Variants in ADGRD1 observed in about 807,000 individuals in gnomAD.
ADGRD1 encodes adhesion G protein-coupled receptor D1, also known as G-protein coupled receptor 133.
In ADGRD1, 77 loss-of-function variants were observed where a neutral mutation model predicts 113.4. That is an observed-to-expected ratio of 0.68 (90% CI 0.57 to 0.82). ADGRD1 has a LOEUF of 0.82. ADGRD1 is among the 40% of genes least tolerant of loss of function. ADGRD1 has a pLI of 0.00. For synonymous variants in ADGRD1, 474 were observed against 475.0 expected, an observed-to-expected ratio of 1.00 and a Z score of 0.03; for missense variants, 1,036 against 1,139.1, an observed-to-expected ratio of 0.91 and a Z score of 1.30.
intron 8 of ADGRD1, among the ~76,000 whole-genome samples, chr12:130,997,765 G>T (rs1222325905): frequency 6.6e-6 from 1 of 151,062 alleles, no homozygotes; most frequent in Non-Finnish European, 1.5e-5. Context: ...GACGATGGGC[G>T]GCCAGGCAGA....
intron 3 of ADGRD1, chr12:130,969,223 TAAA>T: frequency 1.6e-6 from 1 of 612,674 alleles, no homozygotes. Flanking sequence ...TCCAAGGTGT[TAAA>T]AAATAACCAC....
rs1876497260 is a variant in ADGRD1 at position 131,002,393 on chromosome 12, A to G, written c.1027-792A>G. On this transcript the variant is annotated intron_variant, in intron 9 of 24. Transcript: ENST00000261654. ...AATCAGGCTATGGGCCTAAAAGCAA[A>G]TATCTAAAATTGGCCTCAGCATTCT... 6 of 411,148 alleles carry G rather than the reference A, an allele frequency of 1.5e-5. No individual in the cohort carries two copies. The South Asian group carries it at 6.0e-4, about 41-fold the overall frequency. 25.5% of individuals were successfully genotyped at this position (411,148 alleles called of 1,614,324 possible). A position where few individuals can be genotyped will look rare whatever the true frequency, so the allele number is the denominator to read the frequency against.
rs533458542 is a variant in ADGRD1, at chr12:130,966,397, G to A, written c.104-66G>A. 77 of 963,168 alleles carry A rather than the reference G, an allele frequency of 8.0e-5. 1 individual carries two copies. The South Asian group carries it at 8.9e-4, about 11-fold the overall frequency. The allele number at this position is 963,168 out of a possible 1,614,324, so 59.7% of individuals were successfully genotyped here. On this transcript the variant is annotated intron_variant, in intron 2 of 24. Transcript: ENST00000261654. The surrounding 1 kb of genome is among the most constrained non-coding windows in gnomAD (Gnocchi z 4.6). ...TTCCCCCATAATGTGTGTGCTAAGC[G>A]GTTCTTACCCTCTGGTTCTTTCCTC...
intron 2 of ADGRD1, among the ~76,000 whole-genome samples, chr12:130,959,675 G>A (rs1338034981): frequency 6.6e-6 from 1 of 152,156 alleles, no homozygotes. Context: ...GCATGCATTC[G>A]GCTCACAGGT....
intron 13 of ADGRD1, among the ~76,000 whole-genome samples, chr12:131,074,001 C>T (rs1456916110): frequency 3.9e-5 from 6 of 152,160 alleles, no homozygotes; most frequent in African/African-American, 1.4e-4. Context: ...CACAGTCAAA[C>T]CCTAGCAATA....
At chr12:130,974,012 T>C (rs998512456) in intron 4 of ADGRD1, among the ~76,000 whole-genome samples, 3 of 152,210 alleles carry the variant, frequency 2.0e-5, no homozygotes, top group Admixed American at 2.0e-4. Flanking sequence ...TGAGGCCTGA[T>C]GCAGACGCAG....
At position 131,004,191 on chromosome 12, in the gene ADGRD1, TCCGTGG is replaced by T; in HGVS notation, c.1153_1158del (p.Val385_Ala386del). 3.7e-6 allele frequency: 6 copies of T among 1,612,190 alleles called. No individual in the cohort carries two copies. The highest frequency in any genetic ancestry group is 3.4e-6 in the Non-Finnish European group (4 of 1,178,358). ...TCTCGCTCCTTCCACCGCAGAGTTT[TCCGTGG>T]CCAAAATCCTGCCCAAGACCGTGAA... On this transcript the variant is annotated inframe_deletion, in exon 11 of 25. Transcript: ENST00000261654.
chr12:131,064,901 G>C (rs888668588), intron 13 of ADGRD1, among the ~76,000 whole-genome samples: 2 of 152,182 alleles, frequency 1.3e-5, no homozygotes, highest in Non-Finnish European at 2.9e-5. Flanking sequence ...CTGCCTAGAT[G>C]CATAGATGTG....
chr12:131,056,608 G>C (rs1883881215), intron 13 of ADGRD1, among the ~76,000 whole-genome samples: 1 of 152,194 alleles, frequency 6.6e-6, no homozygotes, highest in Non-Finnish European at 1.5e-5. Flanking sequence ...TTCTAACCAA[G>C]TGTCTGGAGA....
At chr12:131,136,421 G>A (rs891450676) in intron 22 of ADGRD1, among the ~76,000 whole-genome samples, 7 of 152,248 alleles carry the variant, frequency 4.6e-5, no homozygotes, top group Non-Finnish European at 8.8e-5. Flanking sequence ...ATGGAGGACA[G>A]TAAGACAGTC....
chr12:131,120,405 C>T (rs1182059939), intron 19 of ADGRD1, among the ~76,000 whole-genome samples: 1 of 152,142 alleles, frequency 6.6e-6, no homozygotes, highest in Non-Finnish European at 1.5e-5. Flanking sequence ...AACCTTTCCT[C>T]TCAGTTGGAG....
chr12:131,074,393 C>T lies in ADGRD1; in HGVS notation c.1474-2408C>T, dbSNP rs117576389. 1.0e-3 allele frequency among the ~76,000 whole-genome samples: 152 copies of T among 152,334 alleles called. 2 individuals carry two copies. The East Asian group carries it at 0.024, about 24-fold the overall frequency. On this transcript the variant is annotated intron_variant, in intron 13 of 24. Coordinates refer to ENST00000261654, the MANE Select transcript of ADGRD1 (RefSeq NM_198827.5). ...CCCCTGGCTTGAGGTTTCAGGAGGA[C>T]GCTCAGGTGAATGCGGCTGTCCCCC...
chr12:131,065,179 G>C (rs757030276), intron 13 of ADGRD1, among the ~76,000 whole-genome samples: 32 of 152,274 alleles, frequency 2.1e-4, no homozygotes, highest in Admixed American at 1.5e-3. Flanking sequence ...ATCTTAAATG[G>C]TGCCGGGGGT....
chr12:131,097,369 CTCGGGGAAGA>C (rs1887360666), intron 15 of ADGRD1, among the ~76,000 whole-genome samples: 1 of 151,322 alleles, frequency 6.6e-6, no homozygotes, highest in African/African-American at 2.5e-5. Flanking sequence ...CAGCTGGGTC[CTCGGGGAAGA>C]TCTCCTGCCT....
chr12:131,088,677 G>T (rs4759539), intron 15 of ADGRD1, among the ~76,000 whole-genome samples: 8 of 152,008 alleles, frequency 5.3e-5, no homozygotes, highest in Non-Finnish European at 1.2e-4. Context: ...GGCAGGAGGC[G>T]GGGAGCAGGA....
intron 14 of ADGRD1, among the ~76,000 whole-genome samples, chr12:131,077,398 T>C (rs1307486320): frequency 1.3e-5 from 2 of 152,096 alleles, no homozygotes; most frequent in Non-Finnish European, 2.9e-5. Context: ...CCCCAGCATC[T>C]CCCATGTCCA....
chr12:131,139,155 TTATGC>T lies in ADGRD1; in HGVS notation c.2530-11_2530-7del. 1 of 1,609,606 alleles carries T rather than the reference TTATGC, an allele frequency of 6.2e-7. No homozygotes were observed. Among genetic ancestry groups the T allele is most frequent in the Non-Finnish European group, 8.5e-7 (1 of 1,176,956 alleles). On this transcript the variant is annotated splice_polypyrimidine_tract_variant and splice_region_variant and intron_variant, in intron 24 of 24. Transcript: ENST00000261654. ...AGCAGGCCCTTCACTGCTCATCCCT[TTATGC>T]TTTGCAGATGAATGGGACCCGGCCA...
intron 15 of ADGRD1, among the ~76,000 whole-genome samples, chr12:131,085,120 C>T (rs1886364948): frequency 6.6e-6 from 1 of 152,218 alleles, no homozygotes; most frequent in South Asian, 2.1e-4. Context: ...ATAAATTAGT[C>T]ACTTTGAATC....
At chr12:131,136,824 C>T (rs1284601541) in intron 22 of ADGRD1, 149 bp from the exon 23 acceptor site, 3 of 716,442 alleles carry the variant, frequency 4.2e-6, no homozygotes, top group South Asian at 1.6e-5. Context: ...CCCAGGACGC[C>T]TCTCCGTCCT....
Sources: gnomAD v4.1 joint callset for allele counts (sites outside exome capture counted in the v4.1 genomes callset) on GRCh38, gnomAD v4.1.1 for gene constraint, Gnocchi (gnomAD v3.1) non-coding constraint, MANE v1.5 for transcripts, NCBI Gene and HGNC (gene_info 2026-07-23, HGNC 2026-07-21) for gene names.